MYO18B: variants seen among roughly 807,000 people sequenced by gnomAD.
MYO18B encodes the protein unconventional myosin-XVIIIb.
Under a neutral mutation model 273.0 loss-of-function variants are expected in MYO18B, and 204 were observed. The ratio of observed to expected loss-of-function variants is 0.75; its 90% CI spans 0.67 to 0.84. The LOEUF is 0.84. Among genes scored for constraint, MYO18B ranks in the 40% least tolerant of loss-of-function variants. The pLI is 0.00. For synonymous variants in MYO18B, 1,330 were observed against 1,305.7 expected (o/e 1.02, Z -0.40); for missense variants, 3,212 against 3,287.6 (o/e 0.98, Z 0.56).
chr22:25,777,599 G>A lies in MYO18B; in HGVS notation c.1886G>A (p.Arg629Gln), dbSNP rs769390948. 7 of 1,595,274 alleles carry A rather than the reference G, an allele frequency of 4.4e-6. No individual in the cohort carries two copies. Among genetic ancestry groups the A allele is most frequent in the East Asian group, 4.5e-5 (2 of 44,522 alleles). ...TTCCTGCAGGTGCCCAAGGGCCGCC[G>A]GGATGGCCTGCCTGCCCACATTGGC... ...PSAGKVPKGR[R>Q]DGLPAHIGSM... Residue 629 changes from arginine to glutamine, a missense_variant, in exon 8 of 44, where the codon CGG becomes CAG. By Grantham distance (43) the Arg-to-Gln change is conservative. Coordinates refer to ENST00000335473, the MANE Select transcript of MYO18B (RefSeq NM_032608.7).
In MYO18B at chr22:25,828,892, A is replaced by G; in HGVS notation, c.2903A>G (p.His968Arg). The change falls in exon 15 of 44, where the codon CAC (histidine) becomes CGC (arginine). Residue 968 changes from histidine to arginine, a missense_variant. Coordinates refer to ENST00000335473, the MANE Select transcript of MYO18B (RefSeq NM_032608.7). Reference sequence around the variant, plus strand: ...GCGGCCACCTTTGAGGAGCTGTGCCACAACTACGCCCATGAGCGCCTGCAG... The same window carrying G: ...GCGGCCACCTTTGAGGAGCTGTGCCGCAACTACGCCCATGAGCGCCTGCAG... ...DRAATFEELC[H>R]NYAHERLQLL... 2 of 1,614,004 alleles carry G rather than the reference A, an allele frequency of 1.2e-6. No homozygotes were observed. Among genetic ancestry groups the G allele is most frequent in the Non-Finnish European group, 1.7e-6 (2 of 1,179,882 alleles).
chr22:25,797,649 G>T (rs959442236), intron 11 of MYO18B, among the ~76,000 whole-genome samples: 1 of 152,142 alleles, frequency 6.6e-6, no homozygotes, highest in African/African-American at 2.4e-5. Flanking sequence ...TCTGGGCTTT[G>T]CTCATCTTTG....
chr22:25,977,201 T>C (rs1482977608), intron 39 of MYO18B, among the ~76,000 whole-genome samples: 1 of 152,220 alleles, frequency 6.6e-6, no homozygotes, highest in African/African-American at 2.4e-5. Context: ...GCTATGCTTA[T>C]CTGCATAGCT....
chr22:26,016,052 C>A (rs146609125), intron 42 of MYO18B, among the ~76,000 whole-genome samples: 29 of 152,266 alleles, frequency 1.9e-4, no homozygotes, highest in African/African-American at 7.0e-4. Flanking sequence ...GAACTGGGTG[C>A]TTTTATGAAT....
intron 1 of MYO18B, among the ~76,000 whole-genome samples, chr22:25,745,626 G>A (rs1380434664): frequency 6.6e-6 from 1 of 152,018 alleles, no homozygotes; most frequent in Non-Finnish European, 1.5e-5. Flanking sequence ...TTTTTACTGT[G>A]TTTCTCCCTG....
intron 2 of MYO18B, chr22:25,763,029 T>C (rs761410808): frequency 2.7e-6 from 2 of 750,712 alleles, no homozygotes; most frequent in South Asian, 2.7e-5. Context: ...TGGCTGCCCC[T>C]GTGTTCCATT....
intron 1 of MYO18B, among the ~76,000 whole-genome samples, chr22:25,755,393 A>G (rs1224122949): frequency 6.6e-6 from 1 of 152,074 alleles, no homozygotes; most frequent in African/African-American, 2.4e-5. Flanking sequence ...TTTAGTAGAG[A>G]CGAGCTTTCT....
At chr22:26,016,836 C>T (rs1291289995) in intron 42 of MYO18B, among the ~76,000 whole-genome samples, 1 of 152,188 alleles carries the variant, frequency 6.6e-6, no homozygotes, top group East Asian at 1.9e-4. Context: ...AGGAGAGGCC[C>T]CAGCCCAGGC....
At chr22:25,987,483 T>C (rs1238721904) in intron 39 of MYO18B, among the ~76,000 whole-genome samples, 1 of 152,184 alleles carries the variant, frequency 6.6e-6, no homozygotes, top group Non-Finnish European at 1.5e-5. Context: ...ATATCCTCCA[T>C]ATATTACATA....
Position 26,020,943 on chromosome 22 carries a change from G to T in MYO18B, c.6471-5502G>T, listed in dbSNP as rs546852273. Among the ~76,000 whole-genome samples, 3 of 152,096 alleles carry T rather than the reference G, an allele frequency of 2.0e-5. No homozygotes were observed. In the South Asian group the frequency reaches 6.2e-4, roughly 32 times the overall value. On this transcript the variant is annotated intron_variant, in intron 42 of 43. Coordinates refer to ENST00000335473, the MANE Select transcript of MYO18B (RefSeq NM_032608.7). The stretch of plus-strand genomic sequence containing the variant: ...ATCTCTACTAAAAATACAAAAATTA[G>T]CCTGGCATGGTGGTGTGCACCTGTA...
chr22:25,866,551 G>A (rs1251073081), intron 21 of MYO18B, among the ~76,000 whole-genome samples: 2 of 152,034 alleles, frequency 1.3e-5, no homozygotes, highest in African/African-American at 2.4e-5. Context: ...GTATAGAACA[G>A]TACTATAGGC....
At chr22:25,875,843 C>T (rs2091176318) in intron 23 of MYO18B, among the ~76,000 whole-genome samples, 1 of 152,178 alleles carries the variant, frequency 6.6e-6, no homozygotes, top group African/African-American at 2.4e-5. Context: ...TTTTGCCTTG[C>T]ATGATGACCT....
At chr22:26,002,972 A>G (rs1934097974) in intron 40 of MYO18B, among the ~76,000 whole-genome samples, 1 of 152,212 alleles carries the variant, frequency 6.6e-6, no homozygotes, top group Non-Finnish European at 1.5e-5. Flanking sequence ...CTAAAACAAG[A>G]GTAGCGGTAA....
At chr22:25,964,086 T>C (rs974757705) in intron 39 of MYO18B, 2 of 152,214 alleles carry the variant, frequency 1.3e-5, no homozygotes, top group East Asian at 1.9e-4. Context: ...TTTGGAGATA[T>C]ACCCTTGACC....
the MYO18B span, among the ~76,000 whole-genome samples, chr22:26,051,256 C>T: frequency 7.5e-6 from 1 of 133,394 alleles, no homozygotes; most frequent in African/African-American, 2.9e-5. Flanking sequence ...CGGAGTCTCG[C>T]TCTGTTGCCC....
intron 31 of MYO18B, 51 bp from the exon 32 acceptor site, chr22:25,908,271 T>G: frequency 2.8e-6 from 4 of 1,407,524 alleles, no homozygotes; most frequent in Non-Finnish European, 3.9e-6. Flanking sequence ...ATGGAGGGCT[T>G]GGAGAGTTAG....
intron 40 of MYO18B, among the ~76,000 whole-genome samples, chr22:25,993,331 G>A (rs915796188): frequency 5.3e-5 from 8 of 152,068 alleles, no homozygotes; most frequent in Admixed American, 1.3e-4. Context: ...CCCTGCCCCC[G>A]TTCTAGCCTC....
downstream of MYO18B, among the ~76,000 whole-genome samples, chr22:26,033,232 G>T (rs989340060): frequency 6.6e-6 from 1 of 152,032 alleles, no homozygotes; most frequent in African/African-American, 2.4e-5. Flanking sequence ...TATTCAGTCC[G>T]TATTTTCTGA....
rs138590697 is a variant in MYO18B at position 25,994,238 on chromosome 22, G to A, written c.6287+1745G>A. ...TCCCAGCACTTTGGGAAGCTAAGGC[G>A]GGAGGATCACTTGAGACCAGGAATT... On this transcript the variant is annotated intron_variant, in intron 40 of 43. Transcript: ENST00000335473. Among the ~76,000 whole-genome samples the A allele has an allele frequency of 1.6e-3, 244 of 152,272 alleles. 1 individual carries two copies. Among genetic ancestry groups the A allele is most frequent in the African/African-American group, 5.3e-3 (221 of 41,544 alleles).
Sources: gnomAD v4.1 joint callset for allele counts (sites outside exome capture counted in the v4.1 genomes callset) on GRCh38, gnomAD v4.1.1 for gene constraint, MANE v1.5 for transcripts, NCBI Gene and HGNC (gene_info 2026-07-23, HGNC 2026-07-21) for gene names.